The following PTPRB variants were observed in gnomAD, a reference collection of about 807,000 sequenced individuals.
PTPRB encodes the protein receptor-type tyrosine-protein phosphatase beta.
Under a neutral mutation model 238.1 loss-of-function variants are expected in PTPRB, and 97 were observed. The observed-to-expected ratio is 0.41, with a 90% CI of 0.35 to 0.48. The LOEUF is 0.48. PTPRB is among the 20% of genes least tolerant of loss of function. The pLI is 0.30. For synonymous variants in PTPRB, 970 were observed against 995.4 expected, an observed-to-expected ratio of 0.97 and a Z score of 0.48; for missense variants, 2,292 against 2,681.9, an observed-to-expected ratio of 0.85 and a Z score of 3.21.
Position 70,555,750 on chromosome 12 carries a change from G to A in PTPRB, c.4993+120C>T, listed in dbSNP as rs554536198. The A allele has an allele frequency of 9.3e-6, 12 of 1,289,782 alleles. No homozygotes were observed. In the African/African-American group the frequency reaches 1.8e-4, roughly 19 times the overall value. 79.9% of individuals were successfully genotyped at this position (1,289,782 alleles called of 1,614,324 possible). A position where few individuals can be genotyped will look rare whatever the true frequency, so the allele number is the denominator to read the frequency against. Reference sequence around the variant, plus strand: ...CTCCTCTCCAGGTGGCAATCAGACAGGCTTATGCAAAAGTGAAGTGTATGC... The same window carrying A: ...CTCCTCTCCAGGTGGCAATCAGACAAGCTTATGCAAAAGTGAAGTGTATGC... On this transcript the variant is annotated intron_variant, in intron 19 of 33. Transcript: ENST00000334414.
intron 7 of PTPRB, among the ~76,000 whole-genome samples, chr12:70,590,526 A>G (rs1282593070): frequency 6.6e-6 from 1 of 150,830 alleles, no homozygotes; most frequent in Non-Finnish European, 1.5e-5. Flanking sequence ...GGATGTCGTG[A>G]TCATGAGGCA....
chr12:70,551,199 T>A (rs954313985), intron 21 of PTPRB, among the ~76,000 whole-genome samples: 1 of 152,078 alleles, frequency 6.6e-6, no homozygotes, highest in Non-Finnish European at 1.5e-5. Context: ...CCCAGCCGCA[T>A]CTCTTGATTC....
intron 22 of PTPRB, among the ~76,000 whole-genome samples, chr12:70,543,382 G>A (rs1166031716): frequency 2.0e-5 from 3 of 151,994 alleles, no homozygotes; most frequent in African/African-American, 7.2e-5. Context: ...TTGAATATAC[G>A]TTTACTGTCT....
intron 32 of PTPRB, among the ~76,000 whole-genome samples, chr12:70,526,156 T>TAAG (rs1872403848): frequency 6.6e-6 from 1 of 152,164 alleles, no homozygotes; most frequent in African/African-American, 2.4e-5. Context: ...TGGGACTATA[T>TAAG]AAGGTAGGTC....
chr12:70,618,315 G>T (rs187568299), intron 3 of PTPRB, among the ~76,000 whole-genome samples: 1 of 152,208 alleles, frequency 6.6e-6, no homozygotes, highest in East Asian at 1.9e-4. Context: ...TTGCCCTGTT[G>T]CCCAGGCTGG....
Position 70,518,519 on chromosome 12 carries a change from A to T in PTPRB, c.*2970T>A, listed in dbSNP as rs921457434. ...ACTCATGGGTATAAAAGATAATATG[A>T]ACAGTAGATAAAAATCACATTCAAC... On this transcript the variant is annotated 3_prime_UTR_variant, in exon 34 of 34. Transcript: ENST00000334414. 2 of 152,206 alleles carry T rather than the reference A, an allele frequency of 1.3e-5. No individual in the cohort carries two copies. The highest frequency in any genetic ancestry group is 2.9e-5 in the Non-Finnish European group (2 of 68,042). 9.4% of individuals were successfully genotyped at this position (152,206 alleles called of 1,614,324 possible). A position where few individuals can be genotyped will look rare whatever the true frequency, so the allele number is the denominator to read the frequency against.
intron 2 of PTPRB, among the ~76,000 whole-genome samples, chr12:70,630,999 C>T (rs553551547): frequency 6.6e-6 from 1 of 152,300 alleles, no homozygotes; most frequent in East Asian, 1.9e-4. Context: ...AATGGCCATA[C>T]TGCCCAAGGT....
At position 70,593,513 on chromosome 12, in the gene PTPRB, C is replaced by CAAA. The variant is rs71437149; in HGVS notation, c.1516+951_1516+953dup. Among the ~76,000 whole-genome samples the CAAA allele has an allele frequency of 6.3e-4, 23 of 36,712 alleles. 1 individual carries two copies. Among genetic ancestry groups the CAAA allele is most frequent in the Non-Finnish European group, 7.9e-4 (16 of 20,288 alleles). 24.1% of individuals were successfully genotyped at this position (36,712 alleles called of 152,430 possible). A position where few individuals can be genotyped will look rare whatever the true frequency, so the allele number is the denominator to read the frequency against. The stretch of plus-strand genomic sequence containing the variant: ...AGCCAACAAGAGCAAAACTCTGTCT[C>CAAA]AAAAAAAAAAAAAAAAAAAAAAAAA... On this transcript the variant is annotated intron_variant, in intron 6 of 33. Transcript: ENST00000334414.
chr12:70,576,670 G>GGGGA (rs1565967203), intron 10 of PTPRB, 25 bp from the exon 11 acceptor site: 1 of 195,776 alleles, frequency 5.1e-6, no homozygotes, highest in Admixed American at 9.4e-5. Context: ...GGTGGGGGGC[G>GGGGA]GGGGGGGGGG....
chr12:70,590,113 G>GA lies in PTPRB; in HGVS notation c.1900dup (p.Ser634PhefsTer20). On this transcript the variant is annotated frameshift_variant, in exon 8 of 34. Coordinates refer to ENST00000334414, the MANE Select transcript of PTPRB (RefSeq NM_001109754.4). LOFTEE classifies it high-confidence loss of function. ...CACAGTGATGTTGAGCAGCACCACA[G>GA]AATCATTGAAGAGTAGGATCCGATA... The GA allele has an allele frequency of 1.2e-6, 2 of 1,613,920 alleles. No individual in the cohort carries two copies. Among genetic ancestry groups the GA allele is most frequent in the Non-Finnish European group, 1.7e-6 (2 of 1,179,850 alleles).
chr12:70,610,129 C>G (rs1445995173), intron 3 of PTPRB, among the ~76,000 whole-genome samples: 2 of 152,166 alleles, frequency 1.3e-5, no homozygotes, highest in African/African-American at 4.8e-5. Flanking sequence ...GCAATTTCCT[C>G]GTCTCCCGGC....
intron 3 of PTPRB, among the ~76,000 whole-genome samples, chr12:70,616,927 C>T (rs1309267300): frequency 6.6e-6 from 1 of 152,224 alleles, no homozygotes; most frequent in Non-Finnish European, 1.5e-5. Flanking sequence ...TCTCCACATA[C>T]TCAAGTAAAA....
At chr12:70,588,260 C>T (rs759438953) in intron 8 of PTPRB, among the ~76,000 whole-genome samples, 6 of 152,136 alleles carry the variant, frequency 3.9e-5, no homozygotes, top group Admixed American at 2.0e-4. Flanking sequence ...CTTCCTTCTT[C>T]GGTATAGAGA....
At chr12:70,565,967 T>C (rs540021668) in intron 15 of PTPRB, among the ~76,000 whole-genome samples, 4 of 151,996 alleles carry the variant, frequency 2.6e-5, no homozygotes, top group South Asian at 2.1e-4. Context: ...CATGCAGAGA[T>C]TGGAGCAATG....
chr12:70,609,892 C>T (rs1884310827), intron 3 of PTPRB: 6 of 1,371,108 alleles, frequency 4.4e-6, no homozygotes, highest in African/African-American at 3.0e-5. Flanking sequence ...CAGGGGGTCA[C>T]CTGTTGCGCG....
At chr12:70,537,893 G>A (rs932620383) in intron 28 of PTPRB, 6 of 329,808 alleles carry the variant, frequency 1.8e-5, no homozygotes, top group Non-Finnish European at 3.3e-5. Context: ...TCTCATCTTG[G>A]TTAAGGACTG....
intron 3 of PTPRB, among the ~76,000 whole-genome samples, chr12:70,613,201 C>T (rs1280277535): frequency 1.3e-5 from 2 of 151,954 alleles, no homozygotes; most frequent in South Asian, 2.1e-4. Flanking sequence ...TTAGGTTAAT[C>T]CACACTCCCA....
intron 9 of PTPRB, among the ~76,000 whole-genome samples, chr12:70,584,557 G>A (rs544623485): frequency 7.2e-5 from 11 of 152,142 alleles, no homozygotes; most frequent in African/African-American, 1.2e-4. Flanking sequence ...CTGACTCAGC[G>A]CAACAATAAA....
At chr12:70,522,744 A>C (rs1871788959) in intron 33 of PTPRB, 1 of 152,112 alleles carries the variant, frequency 6.6e-6, no homozygotes. Context: ...TCTAATGTTC[A>C]GGGAAATTTA....
Sources: allele counts gnomAD v4.1 joint callset (sites outside exome capture counted in the v4.1 genomes callset), GRCh38; gene constraint gnomAD v4.1.1; transcripts MANE v1.5; gene names NCBI Gene and HGNC (gene_info 2026-07-23, HGNC 2026-07-21).